The following DACH2 variants were observed in gnomAD, a reference collection of about 807,000 sequenced individuals.
DACH2 encodes dachshund family transcription factor 2, also known as dachshund homolog 2.
DACH2 carries 17 observed loss-of-function variants against 35.8 expected under a neutral mutation model. The ratio of observed to expected loss-of-function variants is 0.48; its 90% CI spans 0.33 to 0.71. DACH2 has a LOEUF of 0.71. Ranked by LOEUF, DACH2 falls within the 30% of genes least tolerant of loss-of-function variation. The pLI is 0.02. For synonymous variants in DACH2, 195 were observed against 177.3 expected (o/e 1.10, Z -0.79); for missense variants, 469 against 472.7 (o/e 0.99, Z 0.07).
chrX:86,328,059 AT>A (rs910331295), intron 1 of DACH2, among the ~76,000 whole-genome samples: 1 of 110,378 alleles, frequency 9.1e-6, no homozygotes, highest in Non-Finnish European at 1.9e-5. Flanking sequence ...AGATTTCTTT[AT>A]TTTTTTCATT....
At chrX:86,396,644 G>A (rs1182027744) in intron 2 of DACH2, among the ~76,000 whole-genome samples, 2 of 110,037 alleles carry the variant, frequency 1.8e-5, no homozygotes, top group African/African-American at 3.4e-5. Flanking sequence ...ATTAAATAGG[G>A]GATCCTTTCC....
At chrX:86,414,608 C>A (rs2036670591) in intron 2 of DACH2, among the ~76,000 whole-genome samples, 1 of 110,747 alleles carries the variant, frequency 9.0e-6, no homozygotes, top group Admixed American at 9.7e-5. Context: ...TCTTTTTGAC[C>A]CTCCCAGCTG....
chrX:86,582,733 C>T (rs1271251398), intron 3 of DACH2, among the ~76,000 whole-genome samples: 4 of 109,949 alleles, frequency 3.6e-5, no homozygotes, highest in Non-Finnish European at 7.6e-5. Flanking sequence ...GCCTACCAAC[C>T]GGAAGAAGCC....
In DACH2 at chrX:86,763,517, G is replaced by A. The variant is rs780445876; in HGVS notation, c.1240+23635G>A. On this transcript the variant is annotated intron_variant, in intron 7 of 11. Transcript: ENST00000373125. ...CTCCCAGGCTGGAGTGCAGTGGTGC[G>A]ATCTTGGCTCACTGCAACCTCCGCC... Among the ~76,000 whole-genome samples, 31 of 111,918 alleles carry A rather than the reference G, an allele frequency of 2.8e-4. No homozygotes were observed. The East Asian group carries it at 6.8e-3, about 25-fold the overall frequency.
chrX:86,584,070 G>GT (rs1309513212), intron 3 of DACH2, among the ~76,000 whole-genome samples: 1 of 110,213 alleles, frequency 9.1e-6, no homozygotes, highest in African/African-American at 3.3e-5. Context: ...CCGGAGATTT[G>GT]TTTTTTGAAA....
chrX:86,611,211 T>G (rs2039940141), intron 3 of DACH2, among the ~76,000 whole-genome samples: 1 of 110,871 alleles, frequency 9.0e-6, no homozygotes, highest in African/African-American at 3.3e-5. Flanking sequence ...AAACGTTTTT[T>G]GGGAGGTAGG....
At chrX:86,742,944 A>C (rs2041672240) in intron 7 of DACH2, among the ~76,000 whole-genome samples, 1 of 111,349 alleles carries the variant, frequency 9.0e-6, no homozygotes, top group African/African-American at 3.3e-5. Context: ...TTTTCTGTGC[A>C]TATAGTTGGA....
chrX:86,247,659 G>T (rs776924219), intron 1 of DACH2, among the ~76,000 whole-genome samples: 9 of 110,743 alleles, frequency 8.1e-5, no homozygotes, highest in Admixed American at 4.8e-4. Context: ...TCATTAACAT[G>T]AACATAGAGG....
At chrX:86,283,205 C>T (rs778843626) in intron 1 of DACH2, among the ~76,000 whole-genome samples, 10 of 111,609 alleles carry the variant, frequency 9.0e-5, no homozygotes, top group African/African-American at 2.9e-4. Context: ...TTTAGAATAG[C>T]AATCATTAAA....
intron 2 of DACH2, among the ~76,000 whole-genome samples, chrX:86,514,064 T>A (rs2038432190): frequency 9.0e-6 from 1 of 111,585 alleles, no homozygotes; most frequent in Admixed American, 9.6e-5. Context: ...CTAAAATTGA[T>A]CCCTTATGGC....
chrX:86,499,257 C>T (rs187164545), intron 2 of DACH2, among the ~76,000 whole-genome samples: 1 of 111,580 alleles, frequency 9.0e-6, no homozygotes, highest in Admixed American at 9.6e-5. Flanking sequence ...AAGAGAATTC[C>T]TGATAATGTA....
At chrX:86,443,598 T>G (rs1008954221) in intron 2 of DACH2, among the ~76,000 whole-genome samples, 1 of 110,731 alleles carries the variant, frequency 9.0e-6, no homozygotes, top group Non-Finnish European at 1.9e-5. Context: ...CCAAGTCTTA[T>G]AGGGAAAGCC....
intron 4 of DACH2, among the ~76,000 whole-genome samples, chrX:86,667,545 G>GAAAGAAAGAAAGAAGAAAGA (rs1556364144): frequency 9.6e-5 from 3 of 31,364 alleles, no homozygotes; most frequent in Admixed American, 3.8e-4. Context: ...AAGAAAGAAA[G>GAAAGAAAGAAAGAAGAAAGA]AAGAAAGAAA....
chrX:86,759,938 G>GA (rs775426757), intron 7 of DACH2, among the ~76,000 whole-genome samples: 1 of 111,680 alleles, frequency 9.0e-6, no homozygotes, highest in Non-Finnish European at 1.9e-5. Flanking sequence ...GTTTAGCTGG[G>GA]AAAAAATTAT....
At chrX:86,150,424 GT>G (rs1160162756) in intron 1 of DACH2, among the ~76,000 whole-genome samples, 1 of 112,646 alleles carries the variant, frequency 8.9e-6, no homozygotes, top group East Asian at 2.8e-4. Context: ...GCCATGTATA[GT>G]TGAATGATAC....
rs188992322 is a variant in DACH2, at chrX:86,475,278, G to T, written c.528-39001G>T. Among the ~76,000 whole-genome samples, 3 of 110,986 alleles carry T rather than the reference G, an allele frequency of 2.7e-5. No individual in the cohort carries two copies. The Admixed American group carries it at 2.9e-4, about 11-fold the overall frequency. ...TACATTGAATCTGTAGATTGCTTAGGGTAGTATGGACAACATTTGAACAAT... is the reference window on the plus strand; with the variant it reads ...TACATTGAATCTGTAGATTGCTTAGTGTAGTATGGACAACATTTGAACAAT... On this transcript the variant is annotated intron_variant, in intron 2 of 11. Transcript: ENST00000373125.
At chrX:86,268,713 T>C (rs745397543) in intron 1 of DACH2, among the ~76,000 whole-genome samples, 1 of 109,334 alleles carries the variant, frequency 9.1e-6, no homozygotes, top group South Asian at 3.9e-4. Context: ...TTTGTATTTT[T>C]AGTAGAGACA....
At chrX:86,412,654 C>T (rs2148146274) in intron 2 of DACH2, among the ~76,000 whole-genome samples, 1 of 111,623 alleles carries the variant, frequency 9.0e-6, no homozygotes, top group South Asian at 3.8e-4. Context: ...TTCCATGAGT[C>T]CACGTATACT....
At chrX:86,772,471 A>G (rs2041996029) in intron 7 of DACH2, among the ~76,000 whole-genome samples, 1 of 111,625 alleles carries the variant, frequency 9.0e-6, no homozygotes, top group Admixed American at 9.6e-5. Flanking sequence ...TTCATTATAT[A>G]TAACTAAGAA....
Sources: gnomAD v4.1 joint callset for allele counts (sites outside exome capture counted in the v4.1 genomes callset) on GRCh38, gnomAD v4.1.1 for gene constraint, MANE v1.5 for transcripts, NCBI Gene and HGNC (gene_info 2026-07-23, HGNC 2026-07-21) for gene names.